Variants in POLA1 observed in about 807,000 individuals in gnomAD.
POLA1 encodes DNA polymerase alpha catalytic subunit.
In POLA1, 15 loss-of-function variants were observed where a neutral mutation model predicts 124.0. That is an observed-to-expected ratio of 0.12 (90% CI 0.08 to 0.19). The LOEUF (loss-of-function observed/expected upper bound fraction) is 0.19, where lower values mean the gene tolerates loss of function less well. Ranked by LOEUF, POLA1 falls within the 10% of genes least tolerant of loss-of-function variation. POLA1 has a pLI of 1.00. For synonymous variants in POLA1, 408 were observed against 389.4 expected, an observed-to-expected ratio of 1.05 and a Z score of -0.56; for missense variants, 886 against 1,103.4, an observed-to-expected ratio of 0.80 and a Z score of 2.79.
rs767424640 is a variant in POLA1 at position 24,745,525 on chromosome X, G to T, written c.2674G>T (p.Ala892Ser). ...FTTVQRVASEAQKVTEDGEQE... is the reference protein window; with the variant it reads ...FTTVQRVASESQKVTEDGEQE... Reference sequence around the variant, plus strand: ...AACAGTACAAAGAGTTGCTTCAGAGGCACAGAAAGTTACAGAGGTTTGTAT... The same window carrying T: ...AACAGTACAAAGAGTTGCTTCAGAGTCACAGAAAGTTACAGAGGTTTGTAT... Residue 892 changes from alanine to serine, a missense_variant, in exon 24 of 37, where the codon GCA becomes TCA. By Grantham distance (99) the Ala-to-Ser change is moderately conservative (BLOSUM62 1). Transcript: ENST00000379068. 2 of 1,168,474 alleles carry T rather than the reference G, an allele frequency of 1.7e-6. No homozygotes were observed. Among genetic ancestry groups the T allele is most frequent in the Admixed American group, 4.7e-5 (2 of 42,987 alleles).
chrX:24,849,470 T>C (rs909666667), intron 34 of POLA1, among the ~76,000 whole-genome samples: 9 of 111,706 alleles, frequency 8.1e-5, no homozygotes, highest in African/African-American at 2.6e-4. Context: ...TTTATTCCTT[T>C]TTTATTGTTA....
At chrX:24,733,074 A>G (rs1931035080) in intron 16 of POLA1, among the ~76,000 whole-genome samples, 1 of 112,173 alleles carries the variant, frequency 8.9e-6, no homozygotes, top group African/African-American at 3.2e-5. Flanking sequence ...TTGACCTATT[A>G]TATTTCCTGG....
chrX:24,916,685 G>A (rs191211706), intron 35 of POLA1, among the ~76,000 whole-genome samples: 179 of 111,805 alleles, frequency 1.6e-3, no homozygotes, highest in African/African-American at 5.6e-3. Flanking sequence ...GCGTGGGAAG[G>A]ATTTTTGTTT....
At chrX:24,782,309 G>A (rs1040759712) in intron 26 of POLA1, among the ~76,000 whole-genome samples, 1 of 111,934 alleles carries the variant, frequency 8.9e-6, no homozygotes, top group Non-Finnish European at 1.9e-5. Context: ...CTGCCACAGA[G>A]ACTATTTGGG....
intron 34 of POLA1, among the ~76,000 whole-genome samples, chrX:24,879,071 CCTTGAGTT>C (rs1319279870): frequency 9.0e-6 from 1 of 111,165 alleles, no homozygotes; most frequent in Non-Finnish European, 1.9e-5. Flanking sequence ...TGAAACCAAA[CCTTGAGTT>C]CACTTTTGAA....
At chrX:24,830,386 A>G (rs2046244963) in intron 32 of POLA1, among the ~76,000 whole-genome samples, 1 of 111,790 alleles carries the variant, frequency 8.9e-6, no homozygotes, top group Admixed American at 9.5e-5. Flanking sequence ...GAGAGAGGAT[A>G]GCCTATTAAA....
chrX:24,812,689 T>G lies in POLA1; in HGVS notation c.3122T>G (p.Leu1041Arg), dbSNP rs148640944. 3.3e-6 allele frequency: 4 copies of G among 1,197,307 alleles called. No homozygotes were observed. The highest frequency in any genetic ancestry group is 4.4e-5 in the Admixed American group (2 of 45,684). Residue 1041 changes from leucine to arginine, a missense_variant, in exon 29 of 37, where the codon CTG becomes CGG. Around this residue, in one of 7 missense-constraint regions of POLA1, gnomAD observed 313 missense variants for 359.7 expected, o/e 0.87. Transcript: ENST00000379068. ...VKSEVNKLYKLLEIDIDGVFK... is the reference protein window; with the variant it reads ...VKSEVNKLYKRLEIDIDGVFK... ...AGTGAAGTGAATAAGTTGTACAAAC[T>G]GCTTGAAATAGACATTGATGGGGTT...
intron 35 of POLA1, among the ~76,000 whole-genome samples, chrX:24,922,446 A>G (rs918617301): frequency 2.7e-5 from 3 of 111,520 alleles, no homozygotes; most frequent in Non-Finnish European, 5.6e-5. Context: ...AAATATTTTT[A>G]TCAATATAGA....
rs752374535 is a variant in POLA1, at chrX:24,816,018, T to G, written c.3429+907T>G. On this transcript the variant is annotated intron_variant, in intron 30 of 36. Coordinates refer to ENST00000379068, the MANE Select transcript of POLA1 (RefSeq NM_001330360.2). ...AATCAGTGTATTAAAAAGATGTATC[T>G]GTTTCACTGATACATCTTTATTTAA... Among the ~76,000 whole-genome samples, 3 of 112,550 alleles carry G rather than the reference T, an allele frequency of 2.7e-5. No individual in the cohort carries two copies. The Admixed American group carries it at 2.8e-4, about 11-fold the overall frequency.
chrX:24,916,849 A>G (rs1235877639), intron 35 of POLA1, among the ~76,000 whole-genome samples: 3 of 112,358 alleles, frequency 2.7e-5, no homozygotes, highest in Non-Finnish European at 3.8e-5. Flanking sequence ...CCATTAGCCA[A>G]TTTGTTTTTT....
rs1601941930 is a variant in POLA1 at position 24,996,201 on chromosome X, C to T, written c.*251C>T. 7.5e-6 allele frequency: 2 copies of T among 267,031 alleles called. No individual in the cohort carries two copies. Among genetic ancestry groups the T allele is most frequent in the East Asian group, 1.3e-4 (2 of 15,976 alleles). The allele number at this position is 267,031 out of a possible 1,213,427, so 22.0% of individuals were successfully genotyped here. ...CACAACTCCAGAGCCCCTCCCCAAGCTCCCCTCCCCAAGCTCCTGAAGACC... is the reference window on the plus strand; with the variant it reads ...CACAACTCCAGAGCCCCTCCCCAAGTTCCCCTCCCCAAGCTCCTGAAGACC... On this transcript the variant is annotated 3_prime_UTR_variant, in exon 37 of 37. Transcript: ENST00000379068.
chrX:24,955,391 G>A (rs2048095834), intron 36 of POLA1, among the ~76,000 whole-genome samples: 1 of 108,659 alleles, frequency 9.2e-6, no homozygotes, highest in Non-Finnish European at 1.9e-5. Context: ...TGTTTCCCAG[G>A]CTGACCTCAA....
chrX:24,797,283 TA>T (rs201945813), intron 26 of POLA1, among the ~76,000 whole-genome samples: 26 of 106,406 alleles, frequency 2.4e-4, no homozygotes, highest in East Asian at 2.3e-3. Flanking sequence ...TTTGCCTTTG[TA>T]AAAAAAAAAA....
intron 15 of POLA1, among the ~76,000 whole-genome samples, chrX:24,730,451 G>A (rs998175334): frequency 9.0e-6 from 1 of 110,648 alleles, no homozygotes; most frequent in African/African-American, 3.3e-5. Flanking sequence ...TCCCCATGTT[G>A]GCCAGGCTAG....
At chrX:24,809,845 T>C (rs904706588) in intron 26 of POLA1, 53 bp from the exon 27 acceptor site, 6 of 745,310 alleles carry the variant, frequency 8.1e-6, no homozygotes, top group Non-Finnish European at 1.2e-5. Flanking sequence ...TGTGCTTCTA[T>C]TTATGTCTTT....
At chrX:24,938,394 C>T (rs974065666) in intron 36 of POLA1, among the ~76,000 whole-genome samples, 3 of 111,590 alleles carry the variant, frequency 2.7e-5, no homozygotes, top group African/African-American at 9.8e-5. Flanking sequence ...CCAGCCTGGG[C>T]CACAGAGTGA....
At chrX:24,988,274 A>G (rs1242529624) in intron 36 of POLA1, among the ~76,000 whole-genome samples, 2 of 112,611 alleles carry the variant, frequency 1.8e-5, no homozygotes, top group African/African-American at 3.2e-5. Context: ...ATTGTCATCA[A>G]CTAACATTTG....
At chrX:24,888,150 A>G (rs767382618) in intron 35 of POLA1, 28 bp downstream of exon 35, 2 of 962,297 alleles carry the variant, frequency 2.1e-6, no homozygotes, top group Non-Finnish European at 3.0e-6. Flanking sequence ...CTAAAGAACC[A>G]TGTAGAAGAG....
chrX:24,699,424 G>T lies in POLA1; in HGVS notation c.44-1G>T. ...GTTGTAAATTTTTTTTCTTTTTTCA[G>T]CTCTGTCAGATTCAGGGAGTTTTGT... On this transcript the variant is annotated splice_acceptor_variant, in intron 1 of 36. Coordinates refer to ENST00000379068, the MANE Select transcript of POLA1 (RefSeq NM_001330360.2). LOFTEE classifies it high-confidence loss of function. 4 of 1,148,806 alleles carry T rather than the reference G, an allele frequency of 3.5e-6. No homozygotes were observed. Among genetic ancestry groups the T allele is most frequent in the Non-Finnish European group, 2.3e-6 (2 of 862,065 alleles). 94.7% of individuals were successfully genotyped at this position (1,148,806 alleles called of 1,213,427 possible). A position where few individuals can be genotyped will look rare whatever the true frequency, so the allele number is the denominator to read the frequency against.
Sources: allele counts gnomAD v4.1 joint callset (sites outside exome capture counted in the v4.1 genomes callset), GRCh38; gene constraint gnomAD v4.1.1; regional missense constraint gnomAD v4.1.1; transcripts MANE v1.5; gene names NCBI Gene and HGNC (gene_info 2026-07-23, HGNC 2026-07-21).